KIF26B: variants seen among roughly 807,000 people sequenced by gnomAD.
KIF26B encodes the protein kinesin family member 26B, also known as kinesin-like protein KIF26B.
A neutral mutation model predicts 151.2 loss-of-function variants in KIF26B; 63 were observed. The observed-to-expected ratio is 0.42, with a 90% CI of 0.34 to 0.51. The LOEUF is 0.51. Ranked by LOEUF, KIF26B falls within the 20% of genes least tolerant of loss-of-function variation. The pLI is 0.07. For missense variants in KIF26B, 2,813 were observed against 2,913.6 expected (o/e 0.97, Z 0.79); for synonymous variants, 1,357 against 1,262.1 (o/e 1.08, Z -1.59).
At chr1:245,562,594 C>A (rs921790415) in intron 5 of KIF26B, among the ~76,000 whole-genome samples, 1 of 150,772 alleles carries the variant, frequency 6.6e-6, no homozygotes, top group Admixed American at 6.6e-5. Flanking sequence ...CCCCGCCCCC[C>A]CCTTCCCCCA....
chr1:245,600,317 C>T (rs188994121), intron 5 of KIF26B, among the ~76,000 whole-genome samples: 3,022 of 144,006 alleles, frequency 0.021, 148 homozygotes, highest in African/African-American at 0.074. Context: ...GGATTACAGG[C>T]GTGAGCCACC....
At chr1:245,434,349 A>G (rs909537736) in intron 4 of KIF26B, among the ~76,000 whole-genome samples, 25 of 152,350 alleles carry the variant, frequency 1.6e-4, no homozygotes, top group Middle Eastern at 3.4e-3. Flanking sequence ...AAAGAGAGTC[A>G]GTGATTCCAG....
chr1:245,642,082 A>G (rs538251888), intron 9 of KIF26B, among the ~76,000 whole-genome samples: 33 of 152,304 alleles, frequency 2.2e-4, no homozygotes, highest in African/African-American at 7.2e-4. Flanking sequence ...TCTGGCCCAA[A>G]CGGACCTGGG....
intron 2 of KIF26B, among the ~76,000 whole-genome samples, chr1:245,184,787 C>G (rs900916150): frequency 1.3e-5 from 2 of 152,322 alleles, no homozygotes; most frequent in East Asian, 1.9e-4. Context: ...TCTGAGAAAA[C>G]AGTGGCTGTG....
chr1:245,562,462 C>T lies in KIF26B; in HGVS notation c.1350+21512C>T, dbSNP rs558603250. On this transcript the variant is annotated intron_variant, in intron 5 of 14. Coordinates refer to ENST00000407071, the MANE Select transcript of KIF26B (RefSeq NM_018012.4). ...TCCTCACTCTGAGAACCAGGACCGG[C>T]CTCGGGAGTCCAGGTTCTGTTCCCA... Among the ~76,000 whole-genome samples, 5 of 152,228 alleles carry T rather than the reference C, an allele frequency of 3.3e-5. No individual in the cohort carries two copies. The South Asian group carries it at 1.0e-3, about 32-fold the overall frequency.
At chr1:245,345,594 G>T (rs1257605513) in intron 2 of KIF26B, among the ~76,000 whole-genome samples, 3 of 151,850 alleles carry the variant, frequency 2.0e-5, no homozygotes, top group Admixed American at 2.0e-4. Flanking sequence ...AGCGTGGGAG[G>T]TGGGGCCTGG....
At chr1:245,343,852 C>A (rs905090396) in intron 2 of KIF26B, among the ~76,000 whole-genome samples, 1 of 152,126 alleles carries the variant, frequency 6.6e-6, no homozygotes, top group Non-Finnish European at 1.5e-5. Context: ...ATAAGAAAAC[C>A]TTTGTTCTGC....
rs181202897 is a variant in KIF26B, at chr1:245,343,017, C to T, written c.466-23817C>T. 5.6e-5 allele frequency among the ~76,000 whole-genome samples: 8 copies of T among 141,850 alleles called. No homozygotes were observed. In the East Asian group the frequency reaches 1.0e-3, roughly 19 times the overall value. The allele number at this position is 141,850 out of a possible 152,430, so 93.1% of individuals were successfully genotyped here. On this transcript the variant is annotated intron_variant, in intron 2 of 14. Transcript: ENST00000407071. Reference sequence around the variant, plus strand: ...AGGAGAATTGCTTTAAGCTGGGAGGCGGAGCTTGCAGTGAGCCGAGATCAC... The same window carrying T: ...AGGAGAATTGCTTTAAGCTGGGAGGTGGAGCTTGCAGTGAGCCGAGATCAC...
Position 245,706,660 on chromosome 1 carries a change from G to A in KIF26B, c.*4054G>A, listed in dbSNP as rs1260363853. The A allele has an allele frequency of 6.6e-6, 1 of 152,190 alleles. No individual in the cohort carries two copies. The highest frequency in any genetic ancestry group is 2.4e-5 in the African/African-American group (1 of 41,430). The allele number at this position is 152,190 out of a possible 1,614,324, so 9.4% of individuals were successfully genotyped here. A position where few individuals can be genotyped will look rare whatever the true frequency, so the allele number is the denominator to read the frequency against. On this transcript the variant is annotated 3_prime_UTR_variant, in exon 15 of 15. Transcript: ENST00000407071. ...CTGAAAACTTGCCAGTGAGAAAGAG[G>A]TTGAAAGTCCTGTTTGCTATTAGTT...
intron 9 of KIF26B, among the ~76,000 whole-genome samples, chr1:245,641,002 A>G (rs532062688): frequency 6.6e-6 from 1 of 152,164 alleles, no homozygotes; most frequent in Non-Finnish European, 1.5e-5. Flanking sequence ...GCTTTTAAGA[A>G]CTTCTTTAGC....
intron 9 of KIF26B, among the ~76,000 whole-genome samples, chr1:245,643,130 AAGCAT>A (rs2043911288): frequency 6.6e-6 from 1 of 152,208 alleles, no homozygotes; most frequent in Non-Finnish European, 1.5e-5. Context: ...TGTATTTCTC[AAGCAT>A]ATAGTAGAGC....
At chr1:245,279,817 T>C (rs12032359) in intron 2 of KIF26B, among the ~76,000 whole-genome samples, 13,131 of 152,090 alleles carry the variant, frequency 0.086, 700 homozygotes, top group African/African-American at 0.14. Context: ...ACAAAGTTAG[T>C]ACTCATATAC....
intron 9 of KIF26B, among the ~76,000 whole-genome samples, chr1:245,639,514 T>C (rs1558247019): frequency 1.3e-5 from 2 of 151,834 alleles, no homozygotes; most frequent in Admixed American, 1.3e-4. Flanking sequence ...TAATTTTAGG[T>C]TTGGTTTGTT....
intron 2 of KIF26B, among the ~76,000 whole-genome samples, chr1:245,197,068 A>G (rs1250461969): frequency 1.3e-5 from 2 of 152,234 alleles, no homozygotes; most frequent in Non-Finnish European, 2.9e-5. Flanking sequence ...GGCACGGATT[A>G]GATTTTATTC....
intron 10 of KIF26B, among the ~76,000 whole-genome samples, chr1:245,659,280 C>T (rs752018450): frequency 1.3e-5 from 2 of 152,056 alleles, no homozygotes; most frequent in Admixed American, 6.5e-5. Context: ...AGCTTCCTTA[C>T]GATTTTGCAC....
At chr1:245,429,408 C>T (rs1355564418) in intron 4 of KIF26B, among the ~76,000 whole-genome samples, 1 of 152,156 alleles carries the variant, frequency 6.6e-6, no homozygotes, top group African/African-American at 2.4e-5. Context: ...TATCATGTCT[C>T]TGAGAACAAA....
At chr1:245,199,938 T>C (rs1171712049) in intron 2 of KIF26B, among the ~76,000 whole-genome samples, 4 of 152,360 alleles carry the variant, frequency 2.6e-5, no homozygotes, top group Middle Eastern at 3.4e-3. Context: ...GTATTTTTGA[T>C]GGTCAGCCAA....
intron 2 of KIF26B, among the ~76,000 whole-genome samples, chr1:245,335,613 G>A (rs1296334400): frequency 6.6e-6 from 1 of 151,494 alleles, no homozygotes; most frequent in Non-Finnish European, 1.5e-5. Flanking sequence ...CGCGGGGAAA[G>A]GAGAGTCCCA....
intron 2 of KIF26B, among the ~76,000 whole-genome samples, chr1:245,301,815 C>T (rs1025029275): frequency 6.6e-6 from 1 of 152,176 alleles, no homozygotes; most frequent in Non-Finnish European, 1.5e-5. Flanking sequence ...AGCCCTGTGC[C>T]TTCTAGTACC....
Sources: gnomAD v4.1 joint callset for allele counts (sites outside exome capture counted in the v4.1 genomes callset) on GRCh38, gnomAD v4.1.1 for gene constraint, MANE v1.5 for transcripts, NCBI Gene and HGNC (gene_info 2026-07-23, HGNC 2026-07-21) for gene names.